Variants in AFF2 observed in about 807,000 individuals in gnomAD.
AFF2 encodes ALF transcription elongation factor 2.
A neutral mutation model predicts 76.9 loss-of-function variants in AFF2; 14 were observed. That is an observed-to-expected ratio of 0.18 (90% CI 0.12 to 0.28). The LOEUF is 0.28. Ranked by LOEUF, AFF2 falls within the 10% of genes least tolerant of loss-of-function variation. The pLI is 1.00. For missense variants in AFF2, 868 were observed against 1,001.1 expected (o/e 0.87, Z 1.79); for synonymous variants, 398 against 366.7 (o/e 1.09, Z -0.98).
chrX:148,876,285 A>G (rs781900517), intron 7 of AFF2, among the ~76,000 whole-genome samples: 16 of 112,190 alleles, frequency 1.4e-4, no homozygotes, highest in Middle Eastern at 9.1e-3. Flanking sequence ...ATCTGAGGTG[A>G]CACAGATAGT....
intron 1 of AFF2, among the ~76,000 whole-genome samples, chrX:148,591,912 C>G (rs1206358769): frequency 2.7e-5 from 3 of 112,460 alleles, no homozygotes; most frequent in Non-Finnish European, 5.6e-5. Flanking sequence ...GCAGCCCATT[C>G]ACAACTTGTT....
chrX:148,843,306 G>A, intron 6 of AFF2, 76 bp from the exon 7 acceptor site: 1 of 909,625 alleles, frequency 1.1e-6, no homozygotes, highest in Non-Finnish European at 1.6e-6. Flanking sequence ...CTGCATGTTT[G>A]GAGATCAATT....
Position 148,973,473 on chromosome X carries a change from C to T in AFF2, c.3270C>T (p.Phe1090=), listed in dbSNP as rs371376716. ...GACGAGTCATCTTCCTGTTTCAGTT[C>T]GAGAAATTTGGCAAAGCTGTGAATT... ...KKLKHKADAL[F]EKFGKAVNYA... Residue 1090 remains phenylalanine (F), a splice_region_variant and synonymous_variant, in exon 16 of 21, where the codon TTC becomes TTT. Coordinates refer to ENST00000370460, the MANE Select transcript of AFF2 (RefSeq NM_002025.4). 73 of 1,208,946 alleles carry T rather than the reference C, an allele frequency of 6.0e-5. No homozygotes were observed. The highest frequency in any genetic ancestry group is 2.4e-4 in the East Asian group (8 of 33,742).
intron 1 of AFF2, among the ~76,000 whole-genome samples, chrX:148,589,934 G>A (rs782813331): frequency 2.8e-5 from 3 of 106,083 alleles, no homozygotes; most frequent in Non-Finnish European, 5.8e-5. Flanking sequence ...AGAAATGGAA[G>A]TAGGTAAAAC....
At chrX:148,761,994 TATAG>T (rs1569555065) in intron 3 of AFF2, among the ~76,000 whole-genome samples, 1 of 108,448 alleles carries the variant, frequency 9.2e-6, no homozygotes, top group African/African-American at 3.5e-5. Context: ...TAGATATAGA[TATAG>T]ATATAGATAT....
intron 1 of AFF2, among the ~76,000 whole-genome samples, chrX:148,603,285 TAA>T (rs1363834343): frequency 8.9e-6 from 1 of 111,868 alleles, no homozygotes; most frequent in Non-Finnish European, 1.9e-5. Context: ...TCTGCTCTGA[TAA>T]AAGACTTTGC....
intron 1 of AFF2, among the ~76,000 whole-genome samples, chrX:148,620,220 A>G (rs1267316828): frequency 1.8e-5 from 2 of 111,047 alleles, no homozygotes; most frequent in Non-Finnish European, 3.8e-5. Flanking sequence ...TCAGTAGTCT[A>G]GTAAGTGATG....
Position 148,719,215 on chromosome X carries a change from CCTT to C in AFF2, c.1041+56452_1041+56454del. ...AAAAGGAGGCACCAAGCATTTCCGT[CCTT>C]CTTCAAGATGAAGGTAGGCAATATG... On this transcript the variant is annotated intron_variant, in intron 3 of 20. Coordinates refer to ENST00000370460, the MANE Select transcript of AFF2 (RefSeq NM_002025.4). 1 of 1,149,425 alleles carries C rather than the reference CCTT, an allele frequency of 8.7e-7. No individual in the cohort carries two copies. The highest frequency in any genetic ancestry group is 3.3e-5 in the East Asian group (1 of 30,694). 94.7% of individuals were successfully genotyped at this position (1,149,425 alleles called of 1,213,427 possible). A position where few individuals can be genotyped will look rare whatever the true frequency, so the allele number is the denominator to read the frequency against.
chrX:148,877,015 G>T (rs1169034375), intron 7 of AFF2, among the ~76,000 whole-genome samples: 2 of 111,965 alleles, frequency 1.8e-5, no homozygotes, highest in Non-Finnish European at 3.8e-5. Flanking sequence ...CTAAGCCAAA[G>T]TCTAAAATTG....
chrX:148,886,208 T>C (rs923670077), intron 8 of AFF2, among the ~76,000 whole-genome samples: 2 of 111,389 alleles, frequency 1.8e-5, no homozygotes, highest in Non-Finnish European at 1.9e-5. Context: ...TAAAACTGCT[T>C]TCAACCCCCT....
At chrX:148,685,337 A>G (rs1269013569) in intron 3 of AFF2, among the ~76,000 whole-genome samples, 2 of 112,219 alleles carry the variant, frequency 1.8e-5, no homozygotes, top group Non-Finnish European at 3.8e-5. Flanking sequence ...TATTTACACA[A>G]AACCAGAAAC....
Position 148,987,478 on chromosome X carries a change from C to T in AFF2, c.3735C>T (p.Ser1245=), listed in dbSNP as rs781992073. The T allele has an allele frequency of 1.7e-6, 2 of 1,209,608 alleles. No homozygotes were observed. Among genetic ancestry groups the T allele is most frequent in the East Asian group, 5.9e-5 (2 of 33,767 alleles). Residue 1245 remains serine, a synonymous_variant, in exon 20 of 21, where the codon AGC becomes AGT. Coordinates refer to ENST00000370460, the MANE Select transcript of AFF2 (RefSeq NM_002025.4). The part of the protein sequence containing the change: ...IPQRIHHMAA[S]HVNITSNVLR... ...AGCGCATTCACCACATGGCTGCCAG[C>T]CACGTCAACATCACTAGCAATGTGT...
intron 8 of AFF2, among the ~76,000 whole-genome samples, chrX:148,903,818 A>C (rs2071380214): frequency 9.0e-6 from 1 of 111,506 alleles, no homozygotes; most frequent in Admixed American, 9.5e-5. Flanking sequence ...AATCCAGGAT[A>C]TGCCCATGAC....
chrX:148,937,455 G>A (rs1257495680), intron 9 of AFF2, among the ~76,000 whole-genome samples: 1 of 112,286 alleles, frequency 8.9e-6, no homozygotes, highest in Non-Finnish European at 1.9e-5. Context: ...TGGAATTTTT[G>A]CATGGTGGAG....
chrX:148,535,279 C>T (rs1186835537), intron 1 of AFF2, among the ~76,000 whole-genome samples: 1 of 112,005 alleles, frequency 8.9e-6, no homozygotes, highest in African/African-American at 3.2e-5. Flanking sequence ...CTCTATAATG[C>T]GATCTACCTT....
chrX:148,640,296 A>C (rs1220945247), intron 1 of AFF2, among the ~76,000 whole-genome samples: 1 of 112,785 alleles, frequency 8.9e-6, no homozygotes, highest in Non-Finnish European at 1.9e-5. Flanking sequence ...AACTTGCTTA[A>C]AGCATTTCTG....
rs139437010 is a variant in AFF2, at chrX:148,789,268, G to A, written c.1042-20608G>A. On this transcript the variant is annotated intron_variant, in intron 3 of 20. Transcript: ENST00000370460. ...TTATCTAGACCCAAGGAAATTATGA[G>A]AATTTGATGCAGTAAAAGGATGACA... is the stretch of plus-strand genomic sequence containing the variant. Among the ~76,000 whole-genome samples the A allele has an allele frequency of 7.1e-3, 794 of 111,852 alleles. 6 individuals are homozygous for A. The highest frequency in any genetic ancestry group is 0.024 in the African/African-American group (737 of 30,809).
intron 1 of AFF2, among the ~76,000 whole-genome samples, chrX:148,610,150 G>A (rs192666366): frequency 1.4e-3 from 157 of 111,597 alleles, no homozygotes; most frequent in African/African-American, 4.7e-3. Flanking sequence ...AAGAGTGAGA[G>A]CACTCATGCA....
chrX:148,854,372 T>G (rs2070764087), intron 7 of AFF2, among the ~76,000 whole-genome samples: 1 of 111,202 alleles, frequency 9.0e-6, no homozygotes, highest in Non-Finnish European at 1.9e-5. Context: ...TGCATGAGAT[T>G]TAAATCAACT....
Sources: allele counts gnomAD v4.1 joint callset (sites outside exome capture counted in the v4.1 genomes callset), GRCh38; gene constraint gnomAD v4.1.1; transcripts MANE v1.5; gene names NCBI Gene and HGNC (gene_info 2026-07-23, HGNC 2026-07-21).